The following EYA2 variants were observed in gnomAD, a reference collection of about 807,000 sequenced individuals.
The protein encoded by EYA2 is protein phosphatase EYA2.
In EYA2, 31 loss-of-function variants were observed where a neutral mutation model predicts 69.2. The observed-to-expected ratio is 0.45, with a 90% CI of 0.34 to 0.60. EYA2 has a LOEUF of 0.60. Among genes scored for constraint, EYA2 ranks in the 20% least tolerant of loss-of-function variants. EYA2 has a pLI of 0.02. For synonymous variants in EYA2, 257 were observed against 279.4 expected, an observed-to-expected ratio of 0.92 and a Z score of 0.80; for missense variants, 622 against 701.2, an observed-to-expected ratio of 0.89 and a Z score of 1.28.
At chr20:46,946,665 T>C (rs1254366996) in intron 1 of EYA2, among the ~76,000 whole-genome samples, 1 of 151,096 alleles carries the variant, frequency 6.6e-6, no homozygotes, top group Non-Finnish European at 1.5e-5. Context: ...TCAACTCTGC[T>C]CTTATCACAT....
chr20:47,024,626 C>T (rs2077864576), intron 5 of EYA2, among the ~76,000 whole-genome samples: 1 of 152,236 alleles, frequency 6.6e-6, no homozygotes, highest in Admixed American at 6.5e-5. Context: ...ACATTAGCCT[C>T]CGCTGACTTG....
rs147761371 is a variant in EYA2 at position 47,098,368 on chromosome 20, G to A, written c.888+1200G>A. 2.3e-4 allele frequency among the ~76,000 whole-genome samples: 35 copies of A among 152,310 alleles called. No homozygotes were observed. The East Asian group carries it at 2.5e-3, about 11-fold the overall frequency. The stretch of plus-strand genomic sequence containing the variant: ...ACAGTAGTAAGTTGCCTGCTAAGTC[G>A]TGGTGTTTTATGGTTTTCCTAACCA... On this transcript the variant is annotated intron_variant, in intron 9 of 15. Transcript: ENST00000327619.
chr20:46,947,377 C>A (rs1198348220), intron 1 of EYA2, among the ~76,000 whole-genome samples: 2 of 152,042 alleles, frequency 1.3e-5, no homozygotes, highest in African/African-American at 4.8e-5. Context: ...TATGTCACCC[C>A]TGTAATGACA....
Position 46,919,975 on chromosome 20 carries a change from T to G in EYA2, c.-11+24988T>G, listed in dbSNP as rs149948069. Among the ~76,000 whole-genome samples the G allele has an allele frequency of 2.3e-3, 354 of 152,006 alleles. 2 individuals carry two copies. The highest frequency in any genetic ancestry group is 8.0e-3 in the African/African-American group (330 of 41,472). On this transcript the variant is annotated intron_variant, in intron 1 of 15. Coordinates refer to ENST00000327619, the MANE Select transcript of EYA2 (RefSeq NM_005244.5). ...GGAGGCCTGAGCAGAGGGAGAGAGG[T>G]AGGGGAACAGTTGGTTGAGGTCAGA...
chr20:46,949,025 A>T (rs1165428163), intron 1 of EYA2, among the ~76,000 whole-genome samples: 1 of 152,224 alleles, frequency 6.6e-6, no homozygotes, highest in Non-Finnish European at 1.5e-5. Flanking sequence ...CAGATGAGGA[A>T]ACTGCAGCTC....
At chr20:47,049,583 CGTCGTGTGACACCCCCTGCTCCATGTT>C (rs57948225) in intron 5 of EYA2, among the ~76,000 whole-genome samples, 62,207 of 151,738 alleles carry the variant, frequency 0.41, 13,848 homozygotes, top group East Asian at 0.57. Flanking sequence ...TGCTCTGTCT[CGTCGTGTGACACCCCCTGCTCCATGTT>C]GTCATGTGAC....
At chr20:47,179,089 G>T (rs148068135) in intron 12 of EYA2, among the ~76,000 whole-genome samples, 1 of 151,492 alleles carries the variant, frequency 6.6e-6, no homozygotes, top group Non-Finnish European at 1.5e-5. Context: ...TTAATTCCCT[G>T]TCTCCACCAT....
rs894311815 is a variant in EYA2, at chr20:46,903,993, C to T, written c.-11+9006C>T. 5.3e-5 allele frequency among the ~76,000 whole-genome samples: 8 copies of T among 152,224 alleles called. No individual in the cohort carries two copies. The East Asian group carries it at 5.8e-4, about 11-fold the overall frequency. On this transcript the variant is annotated intron_variant, in intron 1 of 15. Transcript: ENST00000327619. ...TGGGGAACAGTGCACTGGATCAGTG[C>T]GGTGTCTATAAGCTATTGATCAGTT...
At chr20:46,994,726 C>T (rs1287422144) in intron 2 of EYA2, among the ~76,000 whole-genome samples, 2 of 152,062 alleles carry the variant, frequency 1.3e-5, no homozygotes, top group African/African-American at 4.8e-5. Flanking sequence ...CCAGAACAAC[C>T]TCTACCTGTG....
chr20:46,927,582 A>G (rs1985470892), intron 1 of EYA2, among the ~76,000 whole-genome samples: 1 of 152,226 alleles, frequency 6.6e-6, no homozygotes, highest in South Asian at 2.1e-4. Context: ...AGAGCCAATC[A>G]AAAGGGGAAA....
chr20:47,036,173 C>A (rs1248288600), intron 5 of EYA2, among the ~76,000 whole-genome samples: 1 of 152,044 alleles, frequency 6.6e-6, no homozygotes, highest in Non-Finnish European at 1.5e-5. Flanking sequence ...AGGGAGGAAG[C>A]GAGAAAGCTG....
At chr20:47,180,679 C>T in intron 13 of EYA2, 136 bp from the exon 14 acceptor site, 1 of 1,045,842 alleles carries the variant, frequency 9.6e-7, no homozygotes, top group Non-Finnish European at 1.4e-6. Flanking sequence ...AATCCTTGGG[C>T]CCTAACATAC....
chr20:47,009,207 A>G (rs560657714), intron 4 of EYA2, among the ~76,000 whole-genome samples: 1 of 152,186 alleles, frequency 6.6e-6, no homozygotes, highest in Non-Finnish European at 1.5e-5. Context: ...ACACACATAC[A>G]CACACACAGA....
chr20:47,002,135 C>G (rs1281598456), intron 3 of EYA2, among the ~76,000 whole-genome samples: 2 of 151,870 alleles, frequency 1.3e-5, no homozygotes, highest in East Asian at 3.9e-4. Context: ...TCTTCCCTCC[C>G]CTTTCGTCCC....
At chr20:47,183,008 C>T (rs980400679) in intron 14 of EYA2, among the ~76,000 whole-genome samples, 1 of 152,184 alleles carries the variant, frequency 6.6e-6, no homozygotes, top group Non-Finnish European at 1.5e-5. Flanking sequence ...ACTTCTACAT[C>T]GGACAGCTGC....
At chr20:47,057,357 G>A (rs922284177) in intron 5 of EYA2, among the ~76,000 whole-genome samples, 2 of 152,208 alleles carry the variant, frequency 1.3e-5, no homozygotes, top group East Asian at 1.9e-4. Flanking sequence ...AAGAAACAGA[G>A]AAATAGACTA....
chr20:46,917,440 T>C (rs1984959498), intron 1 of EYA2, among the ~76,000 whole-genome samples: 1 of 152,246 alleles, frequency 6.6e-6, no homozygotes, highest in Non-Finnish European at 1.5e-5. Context: ...ACTCTCAGGC[T>C]GCACAAACCT....
chr20:47,084,465 C>G (rs1385479542), intron 7 of EYA2, among the ~76,000 whole-genome samples: 1 of 152,054 alleles, frequency 6.6e-6, no homozygotes. Flanking sequence ...CGTGTGAGCC[C>G]GGGACATCAA....
At chr20:47,066,998 C>T (rs2031135511) in intron 5 of EYA2, among the ~76,000 whole-genome samples, 1 of 152,210 alleles carries the variant, frequency 6.6e-6, no homozygotes, top group Admixed American at 6.5e-5. Context: ...TGGGTCCTCT[C>T]TGGCACAGGA....
Sources: gnomAD v4.1 joint callset for allele counts (sites outside exome capture counted in the v4.1 genomes callset) on GRCh38, gnomAD v4.1.1 for gene constraint, MANE v1.5 for transcripts, NCBI Gene and HGNC (gene_info 2026-07-23, HGNC 2026-07-21) for gene names.